PLEKHH2: variants seen among roughly 807,000 people sequenced by gnomAD.
PLEKHH2 encodes the protein pleckstrin homology, MyTH4 and FERM domain containing H2.
Under a neutral mutation model 187.9 loss-of-function variants are expected in PLEKHH2, and 129 were observed. That is an observed-to-expected ratio of 0.69 (90% CI 0.59 to 0.79). The LOEUF is 0.79. PLEKHH2 is among the 30% of genes least tolerant of loss of function. PLEKHH2 has a pLI of 0.00. For synonymous variants in PLEKHH2, 686 were observed against 605.6 expected (o/e 1.13, Z -1.95); for missense variants, 2,076 against 1,751.2 (o/e 1.19, Z -3.31).
chr2:43,672,397 G>GTTAAAGA (rs1457107385), intron 2 of PLEKHH2, among the ~76,000 whole-genome samples: 5 of 151,584 alleles, frequency 3.3e-5, no homozygotes, highest in Non-Finnish European at 7.4e-5. Flanking sequence ...AATCTTTATT[G>GTTAAAGA]TTAGTTTTTA....
chr2:43,760,642 C>A (rs1352792196), intron 27 of PLEKHH2, among the ~76,000 whole-genome samples: 2 of 152,156 alleles, frequency 1.3e-5, no homozygotes, highest in Non-Finnish European at 2.9e-5. Context: ...GGATTACAGG[C>A]GTGAGCCACC....
At chr2:43,681,036 G>C (rs1463004989) in intron 3 of PLEKHH2, 3 of 1,280,560 alleles carry the variant, frequency 2.3e-6, no homozygotes, top group Non-Finnish European at 3.2e-6. Context: ...ATGCCAACTG[G>C]AATTCCTTCC....
intron 19 of PLEKHH2, among the ~76,000 whole-genome samples, chr2:43,736,671 T>A (rs1671309654): frequency 6.6e-6 from 1 of 151,958 alleles, no homozygotes; most frequent in East Asian, 1.9e-4. Flanking sequence ...CTGTCTCTAC[T>A]AAAAATAAAA....
chr2:43,755,891 G>A (rs565322709), intron 25 of PLEKHH2, among the ~76,000 whole-genome samples: 4 of 152,112 alleles, frequency 2.6e-5, no homozygotes, highest in Non-Finnish European at 4.4e-5. Context: ...TTTTCTTAAG[G>A]GCTGAGCCTG....
At chr2:43,735,909 A>T (rs1671268914) in intron 19 of PLEKHH2, among the ~76,000 whole-genome samples, 1 of 152,236 alleles carries the variant, frequency 6.6e-6, no homozygotes, top group Non-Finnish European at 1.5e-5. Flanking sequence ...ATACTTCAAC[A>T]TGATAAAATA....
chr2:43,764,191 G>C, intron 28 of PLEKHH2, 37 bp from the exon 29 acceptor site: 2 of 1,217,846 alleles, frequency 1.6e-6, no homozygotes, highest in Non-Finnish European at 2.2e-6. Context: ...TTGGAAGTAA[G>C]AGCATATAAC....
intron 1 of PLEKHH2, among the ~76,000 whole-genome samples, chr2:43,639,629 T>C (rs1703273668): frequency 6.6e-6 from 1 of 151,606 alleles, no homozygotes; most frequent in African/African-American, 2.4e-5. Flanking sequence ...CCGAATAATA[T>C]TCCATTGTAT....
At position 43,705,472 on chromosome 2, in the gene PLEKHH2, G is replaced by A. The variant is rs149350231; in HGVS notation, c.1727-850G>A. 5.7e-3 allele frequency among the ~76,000 whole-genome samples: 871 copies of A among 151,668 alleles called. 7 individuals are homozygous for A. The highest frequency in any genetic ancestry group is 0.02 in the African/African-American group (828 of 41,318). ...GGGGTCTCACTGTGTTGCCCAGACTGGTCTCAAACTCCTGGCCTTAAGCAA... is the reference window on the plus strand; with the variant it reads ...GGGGTCTCACTGTGTTGCCCAGACTAGTCTCAAACTCCTGGCCTTAAGCAA... On this transcript the variant is annotated intron_variant, in intron 9 of 29. Transcript: ENST00000282406.
chr2:43,730,815 A>T (rs1671001367), intron 18 of PLEKHH2, among the ~76,000 whole-genome samples: 1 of 152,198 alleles, frequency 6.6e-6, no homozygotes, highest in African/African-American at 2.4e-5. Context: ...AATTTAATAA[A>T]TGTTGATTTT....
At chr2:43,718,580 T>C (rs1315804847) in intron 15 of PLEKHH2, among the ~76,000 whole-genome samples, 1 of 151,994 alleles carries the variant, frequency 6.6e-6, no homozygotes, top group Non-Finnish European at 1.5e-5. Flanking sequence ...TGTATAAAGA[T>C]AGATTGTTAA....
At chr2:43,731,357 G>GT (rs1234108724) in intron 18 of PLEKHH2, 133 bp from the exon 19 acceptor site, 1 of 609,698 alleles carries the variant, frequency 1.6e-6, no homozygotes, top group Non-Finnish European at 2.9e-6. Context: ...TTGCCAAAGA[G>GT]TTTTTTTCTG....
At chr2:43,728,767 G>T (rs1012667994) in intron 17 of PLEKHH2, among the ~76,000 whole-genome samples, 1 of 151,842 alleles carries the variant, frequency 6.6e-6, no homozygotes, top group African/African-American at 2.4e-5. Context: ...TCACCATGTT[G>T]GCCAGGCTGG....
intron 2 of PLEKHH2, among the ~76,000 whole-genome samples, chr2:43,669,918 T>A (rs976023409): frequency 1.3e-5 from 2 of 151,954 alleles, no homozygotes; most frequent in African/African-American, 4.8e-5. Context: ...AGATACAATA[T>A]ACAGATAAAA....
At chr2:43,644,869 T>G in intron 2 of PLEKHH2, 73 bp downstream of exon 2, 1 of 1,411,648 alleles carries the variant, frequency 7.1e-7, no homozygotes, top group Middle Eastern at 1.9e-4. Context: ...TTAAATAATC[T>G]CAGTACTTTG....
intron 2 of PLEKHH2, among the ~76,000 whole-genome samples, chr2:43,647,921 A>G (rs890322926): frequency 6.6e-6 from 1 of 152,212 alleles, no homozygotes; most frequent in Non-Finnish European, 1.5e-5. Flanking sequence ...CTAGCGGCCA[A>G]ATATGGTTCC....
At chr2:43,650,144 C>CTTTT (rs70965311) in intron 2 of PLEKHH2, among the ~76,000 whole-genome samples, 38 of 95,670 alleles carry the variant, frequency 4.0e-4, no homozygotes, top group Non-Finnish European at 5.8e-4. Context: ...TTTTTCTTTC[C>CTTTT]TTTTTTTTTT....
intron 3 of PLEKHH2, among the ~76,000 whole-genome samples, chr2:43,683,053 T>G (rs1668294474): frequency 1.3e-5 from 2 of 152,148 alleles, no homozygotes; most frequent in African/African-American, 2.4e-5. Context: ...TATTCTACCT[T>G]TTCATCTTTT....
In PLEKHH2 at chr2:43,765,620, C is replaced by G. The variant is rs915339090; in HGVS notation, c.*22C>G. The G allele has an allele frequency of 6.2e-7, 1 of 1,607,832 alleles. No homozygotes were observed. Among genetic ancestry groups the G allele is most frequent in the African/African-American group, 1.3e-5 (1 of 74,804 alleles). On this transcript the variant is annotated 3_prime_UTR_variant, in exon 30 of 30. Coordinates refer to ENST00000282406, the MANE Select transcript of PLEKHH2 (RefSeq NM_172069.4). ...CTGAAAGCTGGGGAGCCTGAACATT[C>G]ACTCCTTGTCCTCCATGCTGTGGCT...
intron 21 of PLEKHH2, among the ~76,000 whole-genome samples, chr2:43,742,496 A>G (rs1403301192): frequency 2.6e-5 from 4 of 152,184 alleles, no homozygotes; most frequent in African/African-American, 7.2e-5. Context: ...TCAGCTTGTG[A>G]CTATAATAAT....
Sources: allele counts gnomAD v4.1 joint callset (sites outside exome capture counted in the v4.1 genomes callset), GRCh38; gene constraint gnomAD v4.1.1; transcripts MANE v1.5; gene names NCBI Gene and HGNC (gene_info 2026-07-23, HGNC 2026-07-21).